SOBP: variants seen among roughly 807,000 people sequenced by gnomAD.
SOBP encodes the protein sine oculis-binding protein homolog.
Under a neutral mutation model 53.6 loss-of-function variants are expected in SOBP, and 4 were observed. The observed-to-expected ratio is 0.07, with a 90% CI of 0.04 to 0.17. SOBP has a LOEUF of 0.17. Among genes scored for constraint, SOBP ranks in the 10% least tolerant of loss-of-function variants. The pLI, the probability that SOBP is intolerant of heterozygous loss-of-function variation, is 1.00. For missense variants in SOBP, 1,088 were observed against 1,204.7 expected (o/e 0.90, Z 1.43); for synonymous variants, 584 against 522.6 (o/e 1.12, Z -1.60).
intron 5 of SOBP, among the ~76,000 whole-genome samples, chr6:107,595,327 TCTGA>T (rs1331773531): frequency 1.3e-5 from 2 of 148,970 alleles, no homozygotes; most frequent in African/African-American, 4.9e-5. Flanking sequence ...TTTTTAAAAG[TCTGA>T]CTGCTATAGA....
intron 5 of SOBP, among the ~76,000 whole-genome samples, chr6:107,610,783 C>T (rs1730097769): frequency 7.0e-6 from 1 of 142,122 alleles, no homozygotes; most frequent in African/African-American, 2.8e-5. Flanking sequence ...TGTGTGCGCA[C>T]GTGTGTGCAC....
chr6:107,638,581 A>G (rs1771161075), intron 6 of SOBP, among the ~76,000 whole-genome samples: 1 of 152,062 alleles, frequency 6.6e-6, no homozygotes, highest in Non-Finnish European at 1.5e-5. Flanking sequence ...GACCGTTCAT[A>G]TGGTTGGGGA....
intron 5 of SOBP, among the ~76,000 whole-genome samples, chr6:107,601,392 A>C (rs986286407): frequency 3.3e-5 from 5 of 152,242 alleles, no homozygotes; most frequent in African/African-American, 1.2e-4. Flanking sequence ...AACTCCGCAT[A>C]TTCATGTGTA....
intron 5 of SOBP, among the ~76,000 whole-genome samples, chr6:107,606,638 C>T (rs544500295): frequency 6.6e-6 from 1 of 152,260 alleles, no homozygotes. Flanking sequence ...AATTTGGGCT[C>T]TATTGTTTAA....
chr6:107,559,688 ATTATC>A (rs1361994087), intron 4 of SOBP, among the ~76,000 whole-genome samples: 1 of 152,196 alleles, frequency 6.6e-6, no homozygotes, highest in Admixed American at 6.5e-5. Flanking sequence ...GGTTGGAGTA[ATTATC>A]TTGTTCTCAG....
intron 5 of SOBP, among the ~76,000 whole-genome samples, chr6:107,594,950 C>T (rs1159422536): frequency 6.6e-6 from 1 of 152,208 alleles, no homozygotes; most frequent in Non-Finnish European, 1.5e-5. Context: ...CAACACATGC[C>T]GCTGCCTTCT....
intron 4 of SOBP, among the ~76,000 whole-genome samples, chr6:107,545,182 C>T (rs1413909265): frequency 6.6e-6 from 1 of 151,982 alleles, no homozygotes; most frequent in African/African-American, 2.4e-5. Flanking sequence ...TCACTTTTTG[C>T]GGGGAAGAGC....
intron 6 of SOBP, among the ~76,000 whole-genome samples, chr6:107,643,903 AT>A (rs1771440803): frequency 6.6e-6 from 1 of 152,158 alleles, no homozygotes; most frequent in Admixed American, 6.5e-5. Context: ...TTATTTTATT[AT>A]TTTTTAAATG....
rs1770829336 is a variant in SOBP, at chr6:107,633,854, C to T, written c.1010C>T (p.Thr337Ile). ...SASTTVSPSD[T>I]ANCSVTKIPT... ...TCCACCACCGTCTCTCCATCTGACACTGCCAACTGCTCTGTCACTAAAATC... is the reference window on the plus strand; with the variant it reads ...TCCACCACCGTCTCTCCATCTGACATTGCCAACTGCTCTGTCACTAAAATC... Residue 337 changes from threonine to isoleucine, a missense_variant, in exon 6 of 7, where the codon ACT becomes ATT. Thr to Ile is a moderately conservative substitution (Grantham distance 89, BLOSUM62 -1). Transcript: ENST00000317357. 1 of 1,614,098 alleles carries T rather than the reference C, an allele frequency of 6.2e-7. No homozygotes were observed. Among genetic ancestry groups the T allele is most frequent in the African/African-American group, 1.3e-5 (1 of 74,938 alleles).
Position 107,640,512 on chromosome 6 carries a change from A to G in SOBP, c.*3+5043A>G, listed in dbSNP as rs145893980. 1.6e-4 allele frequency among the ~76,000 whole-genome samples: 24 copies of G among 152,320 alleles called. No homozygotes were observed. The East Asian group carries it at 4.1e-3, about 26-fold the overall frequency. Reference sequence around the variant, plus strand: ...AGAAAGAAGACACCAGGTCTGTGTCATGGACACATGTGAGTGGGAGGACCT... The same window carrying G: ...AGAAAGAAGACACCAGGTCTGTGTCGTGGACACATGTGAGTGGGAGGACCT... On this transcript the variant is annotated intron_variant, in intron 6 of 6. Coordinates refer to ENST00000317357, the MANE Select transcript of SOBP (RefSeq NM_018013.4).
chr6:107,571,670 C>T (rs1165103758), intron 4 of SOBP, among the ~76,000 whole-genome samples: 3 of 152,152 alleles, frequency 2.0e-5, no homozygotes, highest in Non-Finnish European at 4.4e-5. Flanking sequence ...GAAGAGGCCT[C>T]GTTTCTACCG....
At chr6:107,649,111 A>G (rs114294411) in intron 6 of SOBP, among the ~76,000 whole-genome samples, 2,016 of 138,564 alleles carry the variant, frequency 0.015, 56 homozygotes, top group African/African-American at 0.053. Context: ...ATGATCATGC[A>G]GCTGTCCTCC....
intron 4 of SOBP, among the ~76,000 whole-genome samples, chr6:107,555,733 C>T (rs1784591183): frequency 6.6e-6 from 1 of 152,190 alleles, no homozygotes; most frequent in African/African-American, 2.4e-5. Context: ...TAAAATAACC[C>T]AGGGCATCTG....
At chr6:107,542,390 G>T (rs1784174355) in intron 4 of SOBP, among the ~76,000 whole-genome samples, 2 of 152,182 alleles carry the variant, frequency 1.3e-5, no homozygotes, top group African/African-American at 4.8e-5. Flanking sequence ...AAGTACAGAT[G>T]TCTGGAGCGG....
At chr6:107,648,385 C>T (rs1362999436) in intron 6 of SOBP, among the ~76,000 whole-genome samples, 1 of 149,940 alleles carries the variant, frequency 6.7e-6, no homozygotes, top group African/African-American at 2.4e-5. Context: ...TTAGCATCTC[C>T]CACTTTAACA....
chr6:107,490,457 GC>G lies in SOBP; in HGVS notation c.-158del, dbSNP rs1782547700. On this transcript the variant is annotated 5_prime_UTR_variant, in exon 1 of 7. Coordinates refer to ENST00000317357, the MANE Select transcript of SOBP (RefSeq NM_018013.4). ...GCTAGAAGAGACCCCGCTTCTCGGC[GC>G]CTGCCCTCCCCCTCGCGGCTCGGTC... is the stretch of plus-strand genomic sequence containing the variant. 1.7e-6 allele frequency: 1 copy of G among 598,368 alleles called. No homozygotes were observed. Among genetic ancestry groups the G allele is most frequent in the Non-Finnish European group, 3.0e-6 (1 of 336,988 alleles). The allele number at this position is 598,368 out of a possible 1,614,324, so 37.1% of individuals were successfully genotyped here.
chr6:107,633,426 A>G (rs1770805622), intron 5 of SOBP, 88 bp from the exon 6 acceptor site: 1 of 1,536,164 alleles, frequency 6.5e-7, no homozygotes, highest in Non-Finnish European at 9.0e-7. Flanking sequence ...GTAAAGTTTA[A>G]AAGAACCTTT....
At chr6:107,515,002 A>AT (rs895363467) in intron 3 of SOBP, 4 of 152,204 alleles carry the variant, frequency 2.6e-5, no homozygotes, top group African/African-American at 9.7e-5. Flanking sequence ...TAGATTTGAC[A>AT]TTTTTTAAGA....
intron 5 of SOBP, among the ~76,000 whole-genome samples, chr6:107,591,879 T>C (rs772396551): frequency 1.3e-5 from 2 of 152,052 alleles, no homozygotes; most frequent in Non-Finnish European, 2.9e-5. Flanking sequence ...TCATGCTTCA[T>C]TTTCCTTCCC....
Sources: gnomAD v4.1 joint callset for allele counts (sites outside exome capture counted in the v4.1 genomes callset) on GRCh38, gnomAD v4.1.1 for gene constraint, MANE v1.5 for transcripts, NCBI Gene and HGNC (gene_info 2026-07-23, HGNC 2026-07-21) for gene names.